Variants in SNX9 observed in about 807,000 individuals in gnomAD.
SNX9 encodes the protein sorting nexin-9.
A neutral mutation model predicts 89.4 loss-of-function variants in SNX9; 44 were observed. The ratio of observed to expected loss-of-function variants is 0.49; its 90% CI spans 0.39 to 0.63. The LOEUF is 0.63. Ranked by LOEUF, SNX9 falls within the 30% of genes least tolerant of loss-of-function variation. The pLI, the probability that SNX9 is intolerant of heterozygous loss-of-function variation, is 0.00. For synonymous variants in SNX9, 236 were observed against 247.8 expected (o/e 0.95, Z 0.45); for missense variants, 578 against 736.1 (o/e 0.79, Z 2.49).
rs545199171 is a variant in SNX9, at chr6:157,854,479, T to C, written c.13-13068T>C. ...GCACATAAGAAATGTTAAGAGTATG[T>C]AAGCATATACTGTGATTCTAATTGC... On this transcript the variant is annotated intron_variant, in intron 1 of 17. Transcript: ENST00000392185. 5.9e-5 allele frequency among the ~76,000 whole-genome samples: 9 copies of C among 152,366 alleles called. No individual in the cohort carries two copies. In the South Asian group the frequency reaches 1.9e-3, roughly 32 times the overall value.
At chr6:157,851,291 A>G (rs1781906053) in intron 1 of SNX9, among the ~76,000 whole-genome samples, 1 of 151,940 alleles carries the variant, frequency 6.6e-6, no homozygotes, top group South Asian at 2.1e-4. Context: ...ATAAATATAA[A>G]TAAACCTCTA....
At chr6:157,841,639 G>T (rs376626821) in intron 1 of SNX9, among the ~76,000 whole-genome samples, 1 of 152,150 alleles carries the variant, frequency 6.6e-6, no homozygotes, top group South Asian at 2.1e-4. Context: ...GGAGGAAGTT[G>T]TCTAAGGCAG....
chr6:157,854,458 A>G (rs1042476049), intron 1 of SNX9, among the ~76,000 whole-genome samples: 60 of 152,372 alleles, frequency 3.9e-4, no homozygotes, highest in African/African-American at 1.4e-3. Flanking sequence ...AGAAGAGCAC[A>G]TAAGAAATGT....
intron 3 of SNX9, chr6:157,874,804 G>A: frequency 2.9e-6 from 1 of 339,220 alleles, no homozygotes; most frequent in Non-Finnish European, 5.3e-6. Context: ...CTTAGAGATT[G>A]AACAATCCAC....
chr6:157,846,154 C>G (rs907840460), intron 1 of SNX9, among the ~76,000 whole-genome samples: 2 of 152,234 alleles, frequency 1.3e-5, no homozygotes, highest in Non-Finnish European at 2.9e-5. Flanking sequence ...TCCCCTCTGT[C>G]AGCTGCTGTT....
chr6:157,933,046 C>G (rs771212319), intron 13 of SNX9, among the ~76,000 whole-genome samples: 52 of 151,960 alleles, frequency 3.4e-4, no homozygotes, highest in Non-Finnish European at 5.9e-4. Flanking sequence ...ATTGGCAGCA[C>G]TTATGAGAGC....
At chr6:157,857,866 TAACA>T (rs1294385811) in intron 1 of SNX9, among the ~76,000 whole-genome samples, 1 of 152,158 alleles carries the variant, frequency 6.6e-6, no homozygotes, top group African/African-American at 2.4e-5. Context: ...TTGTATTGTA[TAACA>T]AACTACCCCA....
intron 4 of SNX9, among the ~76,000 whole-genome samples, chr6:157,889,430 CAAA>C (rs56303673): frequency 6.8e-5 from 4 of 58,498 alleles, no homozygotes; most frequent in Non-Finnish European, 1.6e-4. Flanking sequence ...GACCCTGTCT[CAAA>C]AAAAAAAAAA....
At chr6:157,935,146 TA>T (rs1256761603) in intron 13 of SNX9, among the ~76,000 whole-genome samples, 1 of 152,240 alleles carries the variant, frequency 6.6e-6, no homozygotes, top group Non-Finnish European at 1.5e-5. Flanking sequence ...ATTAAGCACT[TA>T]ACCTGCTTTT....
chr6:157,875,997 A>C (rs1223015309), intron 4 of SNX9, among the ~76,000 whole-genome samples: 1 of 152,102 alleles, frequency 6.6e-6, no homozygotes, highest in Non-Finnish European at 1.5e-5. Context: ...AAAAAGTTAA[A>C]AAAAAAGAAT....
chr6:157,837,356 A>G (rs1781606821), intron 1 of SNX9, among the ~76,000 whole-genome samples: 2 of 152,374 alleles, frequency 1.3e-5, no homozygotes, highest in South Asian at 2.1e-4. Context: ...TTATTAAAAC[A>G]GTAATCAGTC....
intron 9 of SNX9, among the ~76,000 whole-genome samples, chr6:157,920,975 G>A (rs1783570560): frequency 6.6e-6 from 1 of 152,162 alleles, no homozygotes. Context: ...ATACCTGGAG[G>A]AAAAAAGCTA....
At chr6:157,902,157 A>C in intron 6 of SNX9, 112 bp downstream of exon 6, 1 of 930,918 alleles carries the variant, frequency 1.1e-6, no homozygotes, top group Non-Finnish European at 1.4e-6. Context: ...GTGATCTCCT[A>C]AGTTTTGGAT....
intron 1 of SNX9, among the ~76,000 whole-genome samples, chr6:157,862,592 A>G (rs1309901502): frequency 1.3e-5 from 2 of 152,216 alleles, no homozygotes; most frequent in Non-Finnish European, 2.9e-5. Flanking sequence ...ATTGTGATTT[A>G]TATGCAATCA....
rs748127955 is a variant in SNX9 at position 157,938,645 on chromosome 6, A to G, written c.1546A>G (p.Lys516Glu). ...TTATATTTCACAGGGAGCAATAGAAAAAGTGAAAGAAAGTGACAAACTAGT... is the reference window on the plus strand; with the variant it reads ...TTATATTTCACAGGGAGCAATAGAAGAAGTGAAAGAAAGTGACAAACTAGT... ...IIGTHKGAIE[K>E]VKESDKLVAT... Residue 516 changes from lysine (K) to glutamate (E), a missense_variant, in exon 16 of 18, where the codon AAA becomes GAA. Transcript: ENST00000392185. The G allele has an allele frequency of 2.5e-6, 4 of 1,612,696 alleles. No individual in the cohort carries two copies.
intron 6 of SNX9, among the ~76,000 whole-genome samples, chr6:157,905,537 C>A (rs1214522812): frequency 6.6e-6 from 1 of 151,428 alleles, no homozygotes; most frequent in Non-Finnish European, 1.5e-5. Flanking sequence ...GTGACCTCCC[C>A]CCCACCCCCT....
At chr6:157,842,932 C>T (rs1463182675) in intron 1 of SNX9, among the ~76,000 whole-genome samples, 1 of 152,164 alleles carries the variant, frequency 6.6e-6, no homozygotes, top group East Asian at 1.9e-4. Flanking sequence ...GGGGTCTTTT[C>T]AGGAAAGGGC....
intron 13 of SNX9, among the ~76,000 whole-genome samples, chr6:157,932,726 G>T (rs1015463527): frequency 3.3e-5 from 5 of 151,702 alleles, no homozygotes; most frequent in African/African-American, 1.2e-4. Context: ...AATTAGCCAC[G>T]TGTGGTGGTG....
intron 16 of SNX9, among the ~76,000 whole-genome samples, 186 bp from the exon 17 acceptor site, chr6:157,940,697 G>A (rs1266512582): frequency 6.6e-6 from 1 of 152,270 alleles, no homozygotes; most frequent in Non-Finnish European, 1.5e-5. Flanking sequence ...GATTACAGGT[G>A]TGAGCCACTG....
Sources: allele counts gnomAD v4.1 joint callset (sites outside exome capture counted in the v4.1 genomes callset), GRCh38; gene constraint gnomAD v4.1.1; transcripts MANE v1.5; gene names NCBI Gene and HGNC (gene_info 2026-07-23, HGNC 2026-07-21).